GREB1: variants seen among roughly 807,000 people sequenced by gnomAD.
The protein encoded by GREB1 is growth regulating estrogen receptor binding 1.
A neutral mutation model predicts 200.7 loss-of-function variants in GREB1; 106 were observed. The observed-to-expected ratio is 0.53, with a 90% CI of 0.45 to 0.62. GREB1 has a LOEUF of 0.62. Among genes scored for constraint, GREB1 ranks in the 20% least tolerant of loss-of-function variants. GREB1 has a pLI of 0.00. For synonymous variants in GREB1, 1,132 were observed against 1,092.4 expected (o/e 1.04, Z -0.72); for missense variants, 2,243 against 2,556.8 (o/e 0.88, Z 2.65).
chr2:11,586,180 A>G (rs1050182174), intron 9 of GREB1, among the ~76,000 whole-genome samples: 2 of 152,202 alleles, frequency 1.3e-5, no homozygotes, highest in Non-Finnish European at 2.9e-5. Context: ...CTGTTCACTC[A>G]TTCTTTCCTT....
chr2:11,634,709 C>G (rs1685167277), intron 29 of GREB1, among the ~76,000 whole-genome samples: 1 of 152,184 alleles, frequency 6.6e-6, no homozygotes, highest in South Asian at 2.1e-4. Context: ...CCAGAGGATT[C>G]AATTGCTCAG....
At chr2:11,555,929 T>TG (rs964551339) in intron 1 of GREB1, among the ~76,000 whole-genome samples, 4 of 152,178 alleles carry the variant, frequency 2.6e-5, no homozygotes, top group African/African-American at 7.2e-5. Context: ...CTGTGATTTT[T>TG]GGGGGGATAG....
intron 1 of GREB1, among the ~76,000 whole-genome samples, chr2:11,543,372 A>G (rs187100836): frequency 1.2e-4 from 18 of 152,256 alleles, no homozygotes; most frequent in African/African-American, 4.3e-4. Flanking sequence ...TTCCAATTTT[A>G]GAGAGGAAAC....
intron 1 of GREB1, among the ~76,000 whole-genome samples, chr2:11,538,503 A>G (rs936674555): frequency 2.0e-5 from 3 of 152,204 alleles, no homozygotes; most frequent in African/African-American, 7.2e-5. Context: ...GTGGGCTCTC[A>G]TGATTTATTT....
intron 1 of GREB1, among the ~76,000 whole-genome samples, chr2:11,518,756 A>AG (rs985531876): frequency 6.6e-6 from 1 of 151,766 alleles, no homozygotes; most frequent in African/African-American, 2.4e-5. Context: ...ACAAAAAAAA[A>AG]AAAAAGAAAA....
At chr2:11,552,970 A>G (rs1367561365) in intron 1 of GREB1, among the ~76,000 whole-genome samples, 5 of 145,152 alleles carry the variant, frequency 3.4e-5, no homozygotes, top group South Asian at 2.2e-4. Context: ...AGATCGCGCC[A>G]CTGCACTCCA....
intron 9 of GREB1, chr2:11,588,399 A>G: frequency 1.6e-6 from 1 of 616,696 alleles, no homozygotes; most frequent in South Asian, 2.0e-5. Flanking sequence ...TGCTCTGCCC[A>G]CAAGGTGTCC....
upstream of GREB1, among the ~76,000 whole-genome samples, chr2:11,532,940 T>C (rs1674130462): frequency 6.6e-6 from 1 of 152,184 alleles, no homozygotes; most frequent in Non-Finnish European, 1.5e-5. Flanking sequence ...GATAGAGGTA[T>C]TATTATCTTC....
intron 23 of GREB1, among the ~76,000 whole-genome samples, chr2:11,621,520 C>G (rs772043028): frequency 1.1e-4 from 17 of 152,190 alleles, no homozygotes; most frequent in Non-Finnish European, 2.4e-4. Context: ...ATTTCCAGAA[C>G]AGAGTTTACC....
intron 1 of GREB1, among the ~76,000 whole-genome samples, chr2:11,501,049 A>G (rs559045389): frequency 6.6e-6 from 1 of 152,304 alleles, no homozygotes; most frequent in South Asian, 2.1e-4. Context: ...TGAGGTAGTG[A>G]CAAGCTCTGT....
intron 14 of GREB1, 148 bp downstream of exon 14, chr2:11,598,126 A>G (rs930870340): frequency 1.4e-5 from 10 of 730,868 alleles, no homozygotes; most frequent in Non-Finnish European, 2.4e-5. Context: ...TGATGTTCAG[A>G]GACAGTGACT....
intron 23 of GREB1, among the ~76,000 whole-genome samples, chr2:11,622,779 G>C (rs1342645307): frequency 6.6e-6 from 1 of 152,222 alleles, no homozygotes; most frequent in Non-Finnish European, 1.5e-5. Context: ...TGGTCACCTG[G>C]GGGGATGGTG....
At chr2:11,596,329 A>T in intron 13 of GREB1, 90 bp downstream of exon 13, 5 of 935,216 alleles carry the variant, frequency 5.3e-6, no homozygotes, top group Non-Finnish European at 4.5e-6. Context: ...GCACAGTGAG[A>T]GGGGCCATGG....
upstream of GREB1, among the ~76,000 whole-genome samples, chr2:11,532,684 G>C (rs1427923484): frequency 6.6e-6 from 1 of 152,186 alleles, no homozygotes; most frequent in Non-Finnish European, 1.5e-5. Flanking sequence ...GCAGCAGCAT[G>C]TTTGGGTCTG....
At chr2:11,601,872 C>T (rs1230114198) in intron 16 of GREB1, among the ~76,000 whole-genome samples, 2 of 152,238 alleles carry the variant, frequency 1.3e-5, no homozygotes, top group Non-Finnish European at 2.9e-5. Flanking sequence ...TAGGATATGA[C>T]CCAGGCCACT....
rs945863514 is a variant in GREB1 at position 11,493,542 on chromosome 2, T to C, written c.-159+11161T>C. ...CTTGCCCACCGCTCACCTCCTGCTGTGTGGCCTGCTTCCTAACAGGCCATG... is the reference window on the plus strand; with the variant it reads ...CTTGCCCACCGCTCACCTCCTGCTGCGTGGCCTGCTTCCTAACAGGCCATG... On this transcript the variant is annotated intron_variant, in intron 1 of 2. Coordinates refer to the GREB1 transcript ENST00000628795. This position sits in a 1 kb window ranked among gnomAD's most constrained non-coding sequence, Gnocchi z 4.6. Among the ~76,000 whole-genome samples, 1 of 152,216 alleles carries C rather than the reference T, an allele frequency of 6.6e-6. No individual in the cohort carries two copies. Among genetic ancestry groups the C allele is most frequent in the South Asian group, 2.1e-4 (1 of 4,830 alleles).
rs535794556 is a variant in GREB1 at position 11,573,480 on chromosome 2, G to A, written c.455-2873G>A. On this transcript the variant is annotated intron_variant, in intron 4 of 32. Coordinates refer to ENST00000381486, the MANE Select transcript of GREB1 (RefSeq NM_014668.4). ...ACTTTCTAGACTTTCAAGTCCTAAGGTAGATTTCTGAAGAGAACGGCTCAT... is the reference window on the plus strand; with the variant it reads ...ACTTTCTAGACTTTCAAGTCCTAAGATAGATTTCTGAAGAGAACGGCTCAT... Among the ~76,000 whole-genome samples the A allele has an allele frequency of 1.1e-4, 16 of 152,290 alleles. No homozygotes were observed. The South Asian group carries it at 3.3e-3, about 32-fold the overall frequency.
chr2:11,618,697 C>T lies in GREB1; in HGVS notation c.3822C>T (p.Ser1274=). ...ACGACATGGTTGTGTCCACTGACAG[C>T]AGTGGCCTGCCCAAGGCCGCCTCCC... is the stretch of plus-strand genomic sequence containing the variant. ...LVYDMVVSTD[S]SGLPKAASLL... The change falls in exon 22 of 33, where the codon AGC becomes AGT. Residue 1274 remains serine (S), a synonymous_variant. Transcript: ENST00000381486. 5 of 1,613,766 alleles carry T rather than the reference C, an allele frequency of 3.1e-6. No homozygotes were observed. The highest frequency in any genetic ancestry group is 2.2e-5 in the East Asian group (1 of 44,872).
chr2:11,510,777 C>A (rs1215017037), intron 1 of GREB1, among the ~76,000 whole-genome samples: 1 of 148,166 alleles, frequency 6.7e-6, no homozygotes, highest in African/African-American at 2.6e-5. Context: ...GCAACCTCCG[C>A]CTCCTGGGTT....
Sources: allele counts gnomAD v4.1 joint callset (sites outside exome capture counted in the v4.1 genomes callset), GRCh38; gene constraint gnomAD v4.1.1; non-coding constraint Gnocchi (gnomAD v3.1); transcripts MANE v1.5; gene names NCBI Gene and HGNC (gene_info 2026-07-23, HGNC 2026-07-21).